NRG1: variants seen among roughly 807,000 people sequenced by gnomAD.
NRG1 encodes neuregulin 1, also known as pro-neuregulin-1, membrane-bound isoform.
Under a neutral mutation model 63.8 loss-of-function variants are expected in NRG1, and 18 were observed. The observed-to-expected ratio is 0.28, with a 90% confidence interval of 0.19 to 0.42. The LOEUF (loss-of-function observed/expected upper bound fraction) is 0.42. NRG1 is among the 10% of genes least tolerant of loss of function. The pLI is 1.00. For synonymous variants in NRG1, 302 were observed against 301.3 expected (o/e 1.00, Z -0.02); for missense variants, 762 against 814.7 (o/e 0.94, Z 0.79).
At position 31,689,986 on chromosome 8, in the gene NRG1, T is replaced by A. The variant is rs180721162; in HGVS notation, c.37+50555T>A. ...ATCCAAATCTCATCTTGAATTGTAGTTCCCATAATCCCCACGTGTCGTGGG... is the reference window on the plus strand; with the variant it reads ...ATCCAAATCTCATCTTGAATTGTAGATCCCATAATCCCCACGTGTCGTGGG... On this transcript the variant is annotated intron_variant, in intron 1 of 10. Coordinates refer to the NRG1 transcript ENST00000519301. 4.0e-3 allele frequency among the ~76,000 whole-genome samples: 603 copies of A among 152,346 alleles called. 2 individuals carry two copies. The highest frequency in any genetic ancestry group is 0.026 in the South Asian group (124 of 4,828).
At chr8:32,291,541 T>TG (rs1298512935) in intron 1 of NRG1, among the ~76,000 whole-genome samples, 1 of 141,492 alleles carries the variant, frequency 7.1e-6, no homozygotes, top group Non-Finnish European at 1.6e-5. Context: ...CACTTTTTTT[T>TG]TTTTTTTTTT....
At chr8:31,678,352 G>A (rs1807945209) in intron 1 of NRG1, among the ~76,000 whole-genome samples, 1 of 152,052 alleles carries the variant, frequency 6.6e-6, no homozygotes, top group African/African-American at 2.4e-5. Flanking sequence ...AGACAAACCA[G>A]ATTAACTTGG....
intron 1 of NRG1, among the ~76,000 whole-genome samples, chr8:32,496,175 C>T (rs1827176356): frequency 6.6e-6 from 1 of 152,128 alleles, no homozygotes; most frequent in African/African-American, 2.4e-5. Flanking sequence ...CAGCAGGTTT[C>T]TTGGTTTTAG....
intron 1 of NRG1, among the ~76,000 whole-genome samples, chr8:32,335,736 T>A (rs893728155): frequency 6.6e-6 from 1 of 152,118 alleles, no homozygotes; most frequent in Non-Finnish European, 1.5e-5. Context: ...TGTCTGTTAT[T>A]ACCTTGCTTT....
exon 3 of NRG1, chr8:32,605,682 C>T (rs374418193): frequency 5.2e-5 from 84 of 1,612,576 alleles, no homozygotes; most frequent in South Asian, 2.4e-4. Context: ...TGGAATCAAA[C>T]GGTAAGAGAT....
At chr8:32,733,798 A>G (rs1318650305) in intron 6 of NRG1, among the ~76,000 whole-genome samples, 1 of 152,220 alleles carries the variant, frequency 6.6e-6, no homozygotes. Flanking sequence ...TTAAGGTAAT[A>G]CAAATTTAAA....
chr8:31,898,014 T>A (rs1831729734), intron 1 of NRG1, among the ~76,000 whole-genome samples: 1 of 55,954 alleles, frequency 1.8e-5, no homozygotes, highest in Admixed American at 2.1e-4. Flanking sequence ...TGAAATTCTA[T>A]CTCAAAAAAA....
intron 5 of NRG1, among the ~76,000 whole-genome samples, chr8:32,666,789 C>T (rs1177906719): frequency 2.0e-5 from 3 of 152,114 alleles, no homozygotes; most frequent in African/African-American, 7.2e-5. Context: ...TCCTGGTTTT[C>T]CCCACCCTCC....
At chr8:32,011,327 TC>T (rs1814724754) in intron 1 of NRG1, among the ~76,000 whole-genome samples, 1 of 152,064 alleles carries the variant, frequency 6.6e-6, no homozygotes, top group Non-Finnish European at 1.5e-5. Context: ...TTTTAGAGCA[TC>T]CTTCAAGAGG....
At chr8:31,952,820 G>A (rs375371513) in intron 1 of NRG1, among the ~76,000 whole-genome samples, 64 of 152,218 alleles carry the variant, frequency 4.2e-4, no homozygotes, top group African/African-American at 1.4e-3. Context: ...GCTCAGTAAC[G>A]ATGTTCTAAT....
intron 1 of NRG1, among the ~76,000 whole-genome samples, chr8:32,493,883 C>T (rs377711569): frequency 2.0e-5 from 3 of 152,162 alleles, no homozygotes; most frequent in African/African-American, 7.2e-5. Flanking sequence ...CCTTCTAACC[C>T]TGAAATTCTA....
At chr8:31,958,923 T>C (rs1372640355) in intron 1 of NRG1, among the ~76,000 whole-genome samples, 1 of 152,206 alleles carries the variant, frequency 6.6e-6, no homozygotes, top group Non-Finnish European at 1.5e-5. Flanking sequence ...TAAAAACGTC[T>C]GTGGGACAAC....
At chr8:31,894,704 C>A (rs1208171314) in intron 1 of NRG1, among the ~76,000 whole-genome samples, 1 of 151,974 alleles carries the variant, frequency 6.6e-6, no homozygotes, top group Non-Finnish European at 1.5e-5. Flanking sequence ...GTGCCCACCA[C>A]CACGCCCGGC....
intron 1 of NRG1, among the ~76,000 whole-genome samples, chr8:31,654,240 G>T (rs1055245631): frequency 1.3e-5 from 2 of 152,166 alleles, no homozygotes; most frequent in African/African-American, 4.8e-5. Flanking sequence ...AGCAAGAATT[G>T]TTGGTGATTT....
chr8:32,309,449 C>T (rs1240549757), intron 1 of NRG1, among the ~76,000 whole-genome samples: 2 of 152,170 alleles, frequency 1.3e-5, no homozygotes, highest in East Asian at 3.9e-4. Context: ...CTTCTTCAGA[C>T]TTCACTGTCT....
chr8:31,830,682 G>A (rs892352742), intron 1 of NRG1, among the ~76,000 whole-genome samples: 13 of 151,928 alleles, frequency 8.6e-5, no homozygotes, highest in Non-Finnish European at 1.8e-4. Context: ...AATTGGCCAT[G>A]AGCATCTCAT....
chr8:32,352,961 T>TAG (rs371039140), intron 1 of NRG1, among the ~76,000 whole-genome samples: 16,086 of 147,988 alleles, frequency 0.11, 983 homozygotes, highest in Non-Finnish European at 0.13. Context: ...TATATATATA[T>TAG]ACAGAGAGAG....
At chr8:32,174,282 C>T (rs1414949978) in intron 1 of NRG1, among the ~76,000 whole-genome samples, 1 of 151,912 alleles carries the variant, frequency 6.6e-6, no homozygotes, top group Non-Finnish European at 1.5e-5. Flanking sequence ...TCTTTGAAAC[C>T]AACGAGAACA....
At chr8:32,504,684 ACT>A (rs1286265651) in intron 1 of NRG1, among the ~76,000 whole-genome samples, 1 of 152,102 alleles carries the variant, frequency 6.6e-6, no homozygotes, top group Non-Finnish European at 1.5e-5. Flanking sequence ...GAAACACAAA[ACT>A]CACAAATTTA....
Sources: allele counts gnomAD v4.1 joint callset (sites outside exome capture counted in the v4.1 genomes callset), GRCh38; gene constraint gnomAD v4.1.1; transcripts MANE v1.5; gene names NCBI Gene and HGNC (gene_info 2026-07-23, HGNC 2026-07-21).